PPP3CA: variants seen among roughly 807,000 people sequenced by gnomAD.
PPP3CA encodes the protein protein phosphatase 3 catalytic subunit alpha, also known as CAM-PRP catalytic subunit.
A neutral mutation model predicts 66.5 loss-of-function variants in PPP3CA; 14 were observed. The ratio of observed to expected loss-of-function variants is 0.21; its 90% CI spans 0.14 to 0.33. PPP3CA has a LOEUF of 0.33. Among genes scored for constraint, PPP3CA ranks in the 10% least tolerant of loss-of-function variants. The probability of loss-of-function intolerance (pLI) is 1.00; values close to 1 mark genes in which losing one functional copy is unlikely to be tolerated. For synonymous variants in PPP3CA, 232 were observed against 226.2 expected, an observed-to-expected ratio of 1.03 and a Z score of -0.23; for missense variants, 317 against 639.5, an observed-to-expected ratio of 0.50 and a Z score of 5.44.
At chr4:101,068,209 G>A (rs957406793) in intron 8 of PPP3CA, among the ~76,000 whole-genome samples, 9 of 152,054 alleles carry the variant, frequency 5.9e-5, no homozygotes, top group Admixed American at 1.3e-4. Flanking sequence ...ACCGAATGGG[G>A]GCATTCCAGA....
At chr4:101,051,616 G>T (rs1031004692) in intron 10 of PPP3CA, among the ~76,000 whole-genome samples, 1 of 152,118 alleles carries the variant, frequency 6.6e-6, no homozygotes, top group African/African-American at 2.4e-5. Context: ...GAGAAGTAAA[G>T]TGTTCTAAAA....
At chr4:101,038,111 C>G (rs534193300) in intron 11 of PPP3CA, among the ~76,000 whole-genome samples, 1 of 152,182 alleles carries the variant, frequency 6.6e-6, no homozygotes, top group African/African-American at 2.4e-5. Flanking sequence ...GGGCATGAAC[C>G]TGGCACTTAG....
chr4:101,332,821 G>A (rs1729431789), intron 1 of PPP3CA, among the ~76,000 whole-genome samples: 2 of 152,184 alleles, frequency 1.3e-5, no homozygotes, highest in African/African-American at 2.4e-5. Context: ...TTGGCATATG[G>A]AGGACAGAGG....
At chr4:101,112,738 C>T (rs759992053) in intron 2 of PPP3CA, among the ~76,000 whole-genome samples, 113 of 152,280 alleles carry the variant, frequency 7.4e-4, no homozygotes, top group Admixed American at 2.4e-3. Context: ...AAGGAGCAAA[C>T]TCCCTCCACT....
intron 1 of PPP3CA, among the ~76,000 whole-genome samples, chr4:101,280,819 C>CAA (rs5860668): frequency 0.055 from 4,626 of 84,440 alleles, 348 homozygotes; most frequent in African/African-American, 0.16. Flanking sequence ...GACTCAGTCT[C>CAA]AAAAAAAAAA....
intron 8 of PPP3CA, among the ~76,000 whole-genome samples, chr4:101,070,547 T>C (rs999402576): frequency 1.3e-5 from 2 of 152,112 alleles, no homozygotes; most frequent in African/African-American, 4.8e-5. Flanking sequence ...ACTTATAAAA[T>C]AGGAATAATA....
chr4:101,244,559 G>A (rs536669871), intron 1 of PPP3CA, among the ~76,000 whole-genome samples: 1 of 152,242 alleles, frequency 6.6e-6, no homozygotes, highest in South Asian at 2.1e-4. Context: ...CTGACTAACA[G>A]CACAATTAAG....
intron 1 of PPP3CA, chr4:101,240,829 C>A (rs778267793): frequency 1.3e-5 from 2 of 152,116 alleles, no homozygotes; most frequent in Non-Finnish European, 2.9e-5. Flanking sequence ...CACATTGTAA[C>A]ATGCAGAGGC....
rs1728041887 is a variant in PPP3CA, at chr4:101,052,216, G to C, written c.1156+8871C>G. On this transcript the variant is annotated intron_variant, in intron 10 of 13. Transcript: ENST00000394854. ...AACGATTTTAATAATTGTGACCAAA[G>C]ATAAAAGGCCAGATTTGATGAAACT... is the stretch of plus-strand genomic sequence containing the variant. Among the ~76,000 whole-genome samples, 2 of 152,030 alleles carry C rather than the reference G, an allele frequency of 1.3e-5. 1 individual carries two copies. Among genetic ancestry groups the C allele is most frequent in the South Asian group, 4.1e-4 (2 of 4,830 alleles).
At chr4:101,320,592 A>AT (rs1729013722) in intron 1 of PPP3CA, among the ~76,000 whole-genome samples, 1 of 152,050 alleles carries the variant, frequency 6.6e-6, no homozygotes, top group Non-Finnish European at 1.5e-5. Flanking sequence ...TGTTTCTTAG[A>AT]AAGAAATAAC....
chr4:101,144,770 A>G (rs1229103999), intron 2 of PPP3CA, among the ~76,000 whole-genome samples: 1 of 152,154 alleles, frequency 6.6e-6, no homozygotes, highest in African/African-American at 2.4e-5. Flanking sequence ...GTCCACTTCA[A>G]TCTACTGTTA....
At chr4:101,116,375 G>A (rs1721838381) in intron 2 of PPP3CA, among the ~76,000 whole-genome samples, 1 of 151,862 alleles carries the variant, frequency 6.6e-6, no homozygotes, top group Non-Finnish European at 1.5e-5. Flanking sequence ...TCAGCATGAG[G>A]AGATTAATTT....
intron 1 of PPP3CA, among the ~76,000 whole-genome samples, chr4:101,217,367 A>G (rs6851462): frequency 0.029 from 4,346 of 152,286 alleles, 214 homozygotes; most frequent in African/African-American, 0.098. Flanking sequence ...AACTGTTCAC[A>G]CTATTCTCTT....
intron 8 of PPP3CA, among the ~76,000 whole-genome samples, chr4:101,075,883 C>T (rs1729167006): frequency 6.6e-6 from 1 of 152,080 alleles, no homozygotes; most frequent in Non-Finnish European, 1.5e-5. Flanking sequence ...ATCATACTAC[C>T]AGATTATTAA....
intron 1 of PPP3CA, among the ~76,000 whole-genome samples, chr4:101,296,334 AAT>A (rs749808515): frequency 1.2e-4 from 19 of 152,148 alleles, no homozygotes; most frequent in Non-Finnish European, 2.5e-4. Flanking sequence ...TTTAAAACTA[AAT>A]ATAAGTATTT....
intron 2 of PPP3CA, among the ~76,000 whole-genome samples, chr4:101,148,202 CT>C (rs1553928721): frequency 6.6e-6 from 1 of 151,956 alleles, no homozygotes; most frequent in Non-Finnish European, 1.5e-5. Flanking sequence ...AAAATGTTTC[CT>C]TTGAGCTAGA....
At chr4:101,274,913 A>AGT (rs1727441642) in intron 1 of PPP3CA, among the ~76,000 whole-genome samples, 1 of 152,244 alleles carries the variant, frequency 6.6e-6, no homozygotes, top group Non-Finnish European at 1.5e-5. Flanking sequence ...AATTCATATG[A>AGT]GATAAATTGT....
At chr4:101,340,691 C>A (rs1433204182) in intron 1 of PPP3CA, among the ~76,000 whole-genome samples, 1 of 152,112 alleles carries the variant, frequency 6.6e-6, no homozygotes, top group African/African-American at 2.4e-5. Context: ...AATTTACAAA[C>A]TGAAATCCTA....
intron 1 of PPP3CA, among the ~76,000 whole-genome samples, chr4:101,242,735 T>A (rs567838003): frequency 2.0e-5 from 3 of 152,100 alleles, no homozygotes; most frequent in African/African-American, 4.8e-5. Flanking sequence ...AAGATCAACC[T>A]GGGCAACATA....
Sources: allele counts gnomAD v4.1 joint callset (sites outside exome capture counted in the v4.1 genomes callset), GRCh38; gene constraint gnomAD v4.1.1; transcripts MANE v1.5; gene names NCBI Gene and HGNC (gene_info 2026-07-23, HGNC 2026-07-21).